Variants in NCAPG2 observed in about 807,000 individuals in gnomAD.
NCAPG2 encodes non-SMC condensin II complex subunit G2.
NCAPG2 carries 53 observed loss-of-function variants against 141.1 expected under a neutral mutation model. The observed-to-expected ratio is 0.38, with a 90% confidence interval of 0.30 to 0.47. The LOEUF (loss-of-function observed/expected upper bound fraction) is 0.47, where lower values mean the gene tolerates loss of function less well. Ranked by LOEUF, NCAPG2 falls within the 20% of genes least tolerant of loss-of-function variation. NCAPG2 has a pLI of 0.99. For missense variants in NCAPG2, 1,087 were observed against 1,389.0 expected (o/e 0.78, Z 3.46); for synonymous variants, 499 against 490.7 (o/e 1.02, Z -0.22).
chr7:158,653,387 A>AATAATAATAAT (rs5888766), intron 22 of NCAPG2, among the ~76,000 whole-genome samples: 1 of 146,092 alleles, frequency 6.8e-6, no homozygotes, highest in Non-Finnish European at 1.5e-5. Flanking sequence ...ATAAAAAAAA[A>AATAATAATAAT]AATAATAATA....
chr7:158,646,905 T>C (rs1436887038), intron 24 of NCAPG2, among the ~76,000 whole-genome samples: 1 of 152,038 alleles, frequency 6.6e-6, no homozygotes, highest in Non-Finnish European at 1.5e-5. Flanking sequence ...GGTGCATACC[T>C]GTAGTCCCAG....
At chr7:158,675,093 A>C (rs1172508332) in intron 12 of NCAPG2, among the ~76,000 whole-genome samples, 1 of 152,242 alleles carries the variant, frequency 6.6e-6, no homozygotes, top group African/African-American at 2.4e-5. Context: ...TCTTCTTGCA[A>C]GGTTTGAGCT....
intron 13 of NCAPG2, among the ~76,000 whole-genome samples, chr7:158,666,844 C>T (rs1282955421): frequency 6.6e-6 from 1 of 152,108 alleles, no homozygotes; most frequent in Non-Finnish European, 1.5e-5. Flanking sequence ...TGGGCTCAGC[C>T]CAGCAGCCCA....
chr7:158,695,252 C>G (rs1563580551), intron 2 of NCAPG2, among the ~76,000 whole-genome samples: 1 of 152,182 alleles, frequency 6.6e-6, no homozygotes, highest in Non-Finnish European at 1.5e-5. Context: ...TCAGGAAATA[C>G]TAGTTGACTG....
intron 11 of NCAPG2, among the ~76,000 whole-genome samples, chr7:158,676,008 G>GC (rs781762625): frequency 5.3e-5 from 8 of 152,144 alleles, no homozygotes; most frequent in African/African-American, 9.7e-5. Flanking sequence ...ATGCTGTAAT[G>GC]CATTTTAGAG....
intron 2 of NCAPG2, among the ~76,000 whole-genome samples, chr7:158,697,920 C>T (rs1435115721): frequency 1.3e-5 from 2 of 152,162 alleles, no homozygotes; most frequent in South Asian, 4.1e-4. Context: ...GGGAACAACA[C>T]ACACTGGCCT....
intron 27 of NCAPG2, among the ~76,000 whole-genome samples, chr7:158,639,060 G>A (rs1830469883): frequency 6.6e-6 from 1 of 152,186 alleles, no homozygotes; most frequent in African/African-American, 2.4e-5. Flanking sequence ...TTCAAACAGG[G>A]AGAGAGGGAC....
chr7:158,672,344 T>A (rs1833787262), intron 12 of NCAPG2, among the ~76,000 whole-genome samples: 1 of 106,530 alleles, frequency 9.4e-6, no homozygotes, highest in Admixed American at 9.7e-5. Context: ...TTTTTTTTTT[T>A]TTTTTTTTTT....
intron 16 of NCAPG2, among the ~76,000 whole-genome samples, chr7:158,658,690 A>G (rs1832217206): frequency 6.6e-6 from 1 of 152,242 alleles, no homozygotes; most frequent in Admixed American, 6.5e-5. Context: ...CCCTGGGAAT[A>G]TGCCAGTAAG....
Position 158,692,709 on chromosome 7 carries a change from C to A in NCAPG2, c.382+133G>T, listed in dbSNP as rs1331796811. The A allele has an allele frequency of 4.3e-6, 3 of 696,120 alleles. No homozygotes were observed. The African/African-American group carries it at 5.6e-5, about 13-fold the overall frequency. The allele number at this position is 696,120 out of a possible 1,614,324, so 43.1% of individuals were successfully genotyped here. On this transcript the variant is annotated intron_variant, in intron 4 of 27. Coordinates refer to ENST00000356309, the MANE Select transcript of NCAPG2 (RefSeq NM_017760.7). ...TGAGCTGAGATCGCGCCATTGCACT[C>A]CTGCCTAGGCAACAAGAGCGAAACT...
intron 2 of NCAPG2, among the ~76,000 whole-genome samples, chr7:158,699,529 C>A (rs1835658999): frequency 6.6e-6 from 1 of 152,172 alleles, no homozygotes; most frequent in South Asian, 2.1e-4. Context: ...CCAGCTCAGT[C>A]CATTCATACC....
intron 12 of NCAPG2, among the ~76,000 whole-genome samples, chr7:158,673,235 G>C (rs143034421): frequency 6.6e-6 from 1 of 152,320 alleles, no homozygotes; most frequent in Non-Finnish European, 1.5e-5. Context: ...GGAGCAAGGG[G>C]GAGAGAGGAA....
At chr7:158,673,950 C>A (rs1278828270) in intron 12 of NCAPG2, among the ~76,000 whole-genome samples, 2 of 152,228 alleles carry the variant, frequency 1.3e-5, no homozygotes, top group African/African-American at 4.8e-5. Flanking sequence ...GTGAAATTCA[C>A]CTTGGCTAGA....
intron 3 of NCAPG2, 122 bp from the exon 4 acceptor site, chr7:158,693,078 G>A (rs902589869): frequency 2.3e-5 from 19 of 827,588 alleles, no homozygotes; most frequent in Non-Finnish European, 3.4e-5. Flanking sequence ...ATTCTAAAAA[G>A]AATTAAAGTT....
At chr7:158,666,009 A>G (rs1338063681) in intron 13 of NCAPG2, among the ~76,000 whole-genome samples, 1 of 28,834 alleles carries the variant, frequency 3.5e-5, no homozygotes, top group Non-Finnish European at 6.9e-5. Context: ...GGAAAGACAG[A>G]GCAACCCCAG....
chr7:158,690,419 C>T, intron 5 of NCAPG2, 149 bp downstream of exon 5: 3 of 690,484 alleles, frequency 4.3e-6, no homozygotes, highest in Non-Finnish European at 7.1e-6. Flanking sequence ...GTGGTGCACT[C>T]CTGAAGTCTC....
chr7:158,645,664 C>T lies in NCAPG2; in HGVS notation c.3180-45G>A, dbSNP rs114301327. 3,650 of 1,528,790 alleles carry T rather than the reference C, an allele frequency of 2.4e-3. 73 individuals are homozygous for T. The African/African-American group carries it at 0.044, about 18-fold the overall frequency. 94.7% of individuals were successfully genotyped at this position (1,528,790 alleles called of 1,614,324 possible). On this transcript the variant is annotated intron_variant, in intron 25 of 27. Coordinates refer to ENST00000356309, the MANE Select transcript of NCAPG2 (RefSeq NM_017760.7). ...CATCAAAATTACTGTATCATATAGA[C>T]CCTAATACATTATAGCAGAAGTACA...
At chr7:158,662,499 C>CA (rs1465454741) in intron 15 of NCAPG2, 132 bp from the exon 16 acceptor site, 11 of 749,784 alleles carry the variant, frequency 1.5e-5, no homozygotes, top group Middle Eastern at 3.2e-4. Context: ...CTTCTACTCT[C>CA]CACTTTAGAA....
At chr7:158,668,517 A>G in intron 13 of NCAPG2, 1 of 787,882 alleles carries the variant, frequency 1.3e-6, no homozygotes, top group Non-Finnish European at 1.5e-6. Flanking sequence ...AAACAATATG[A>G]TGTCTGGAAT....
Sources: allele counts gnomAD v4.1 joint callset (sites outside exome capture counted in the v4.1 genomes callset), GRCh38; gene constraint gnomAD v4.1.1; transcripts MANE v1.5; gene names NCBI Gene and HGNC (gene_info 2026-07-23, HGNC 2026-07-21).